Variants in DYNLRB1 observed in about 807,000 individuals in gnomAD.
The protein encoded by DYNLRB1 is ROBL/LC7-like 1.
In DYNLRB1, 6 loss-of-function variants were observed where a neutral mutation model predicts 13.5. That is an observed-to-expected ratio of 0.44 (90% CI 0.24 to 0.88). The LOEUF is 0.88. DYNLRB1 is among the 40% of genes least tolerant of loss of function. The pLI is 0.21. For missense variants in DYNLRB1, 93 were observed against 127.2 expected (o/e 0.73, Z 1.29); for synonymous variants, 43 against 45.0 (o/e 0.96, Z 0.18).
chr20:34,536,574 G>A lies in DYNLRB1; in HGVS notation c.247+1779G>A, dbSNP rs1397386546. 1.6e-5 allele frequency: 11 copies of A among 694,124 alleles called. No homozygotes were observed. In the South Asian group the frequency reaches 3.2e-4, roughly 20 times the overall value. 43.0% of individuals were successfully genotyped at this position (694,124 alleles called of 1,614,324 possible). ...AGCCTGACCAACATGGTGAAACCCCGTCTCTACTAAAAATAAAAAAATTAG... is the reference window on the plus strand; with the variant it reads ...AGCCTGACCAACATGGTGAAACCCCATCTCTACTAAAAATAAAAAAATTAG... On this transcript the variant is annotated intron_variant, in intron 3 of 3. Transcript: ENST00000357156.
At chr20:34,523,868 G>A (rs1979956284) in intron 1 of DYNLRB1, among the ~76,000 whole-genome samples, 1 of 152,196 alleles carries the variant, frequency 6.6e-6, no homozygotes, top group Non-Finnish European at 1.5e-5. Flanking sequence ...ATGAATAGCA[G>A]TCTTAAGAAA....
At chr20:34,536,310 C>T in intron 3 of DYNLRB1, 1 of 985,376 alleles carries the variant, frequency 1.0e-6, no homozygotes, top group Non-Finnish European at 1.2e-6. Flanking sequence ...GGGGACTGTG[C>T]TGTGCTGATG....
At chr20:34,515,877 C>A (rs138638831), upstream of DYNLRB1, among the ~76,000 whole-genome samples, 51 of 151,958 alleles carry the variant, frequency 3.4e-4, no homozygotes, top group African/African-American at 1.2e-3. Context: ...CTTCCGATAC[C>A]GAGAACCAGC....
In DYNLRB1 at chr20:34,534,794, A is replaced by G. The variant is rs1777606876; in HGVS notation, c.246A>G (p.Pro82=). Residue 82 remains proline, a splice_region_variant and synonymous_variant, in exon 3 of 4, where the codon CCA becomes CCG. Coordinates refer to ENST00000357156, the MANE Select transcript of DYNLRB1 (RefSeq NM_014183.4). ...AGAAAAATGAAATTATGGTTGCACC[A>G]GGTAAGGGGTCTTCTACCTCCCCAT... ...RSKKNEIMVA[P]DKDYFLIVIQ... The G allele has an allele frequency of 6.2e-7, 1 of 1,614,076 alleles. No homozygotes were observed. Among genetic ancestry groups the G allele is most frequent in the Non-Finnish European group, 8.5e-7 (1 of 1,180,024 alleles).
At position 34,524,450 on chromosome 20, in the gene DYNLRB1, A is replaced by G. The variant is rs532801093; in HGVS notation, c.4-1818A>G. On this transcript the variant is annotated intron_variant, in intron 1 of 3. Coordinates refer to ENST00000357156, the MANE Select transcript of DYNLRB1 (RefSeq NM_014183.4). ...GTTCTTTCTGCATTCTGCTATTGCA[A>G]ATGTCACTGTACTTTGGTCCATGAT... Among the ~76,000 whole-genome samples, 16 of 152,286 alleles carry G rather than the reference A, an allele frequency of 1.1e-4. No individual in the cohort carries two copies. In the South Asian group the frequency reaches 3.1e-3, roughly 30 times the overall value.
At chr20:34,527,494 G>T (rs1288337258) in intron 2 of DYNLRB1, among the ~76,000 whole-genome samples, 1 of 152,028 alleles carries the variant, frequency 6.6e-6, no homozygotes, top group Non-Finnish European at 1.5e-5. Context: ...TGATTTACCT[G>T]ATTGGGTTCC....
At chr20:34,520,590 G>A (rs970519088) in intron 1 of DYNLRB1, among the ~76,000 whole-genome samples, 1 of 152,076 alleles carries the variant, frequency 6.6e-6, no homozygotes, top group African/African-American at 2.4e-5. Flanking sequence ...GGGATTAACA[G>A]GTGTGCATCA....
At chr20:34,529,549 T>C (rs1408256747) in intron 2 of DYNLRB1, among the ~76,000 whole-genome samples, 1 of 151,872 alleles carries the variant, frequency 6.6e-6, no homozygotes, top group Non-Finnish European at 1.5e-5. Context: ...GCCAACATGG[T>C]GAAACCTTGT....
intron 3 of DYNLRB1, among the ~76,000 whole-genome samples, chr20:34,536,643 G>A (rs963232784): frequency 5.9e-5 from 9 of 151,846 alleles, no homozygotes; most frequent in East Asian, 1.9e-4. Flanking sequence ...TACTTGGGAC[G>A]CTGAGGCAGG....
chr20:34,520,990 A>G (rs145779585), intron 1 of DYNLRB1, among the ~76,000 whole-genome samples: 1 of 152,184 alleles, frequency 6.6e-6, no homozygotes, highest in African/African-American at 2.4e-5. Context: ...GCATTTAAAA[A>G]TAAACCTCAG....
In DYNLRB1 at chr20:34,530,174, A is replaced by T. The variant is rs538082361; in HGVS notation, c.79+3831A>T. 48 of 1,181,234 alleles carry T rather than the reference A, an allele frequency of 4.1e-5. No individual in the cohort carries two copies. In the South Asian group the frequency reaches 1.7e-3, roughly 42 times the overall value. The allele number at this position is 1,181,234 out of a possible 1,614,324, so 73.2% of individuals were successfully genotyped here. ...GAGAGGCCCTCATTCTTGCCTTAAA[A>T]CTGCCCCTAAAGCCAAGCCTTTTCA... On this transcript the variant is annotated intron_variant, in intron 2 of 3. Transcript: ENST00000357156.
At chr20:34,526,392 A>C (rs1301656704) in intron 2 of DYNLRB1, 49 bp downstream of exon 2, 2 of 1,595,698 alleles carry the variant, frequency 1.3e-6, no homozygotes, top group Non-Finnish European at 1.7e-6. Flanking sequence ...GCCCAGAAGC[A>C]GCCATAACAC....
chr20:34,536,095 G>A, intron 3 of DYNLRB1: 1 of 985,428 alleles, frequency 1.0e-6, no homozygotes, highest in Non-Finnish European at 1.2e-6. Context: ...GGTGGGGACA[G>A]AGCAGTTCAG....
intron 3 of DYNLRB1, among the ~76,000 whole-genome samples, chr20:34,535,514 G>A (rs897327770): frequency 3.9e-5 from 6 of 152,184 alleles, no homozygotes; most frequent in Non-Finnish European, 7.3e-5. Flanking sequence ...GCACAGGAGC[G>A]AGCAACAGAG....
At chr20:34,536,577 T>G in intron 3 of DYNLRB1, 2 of 684,364 alleles carry the variant, frequency 2.9e-6, no homozygotes, top group Non-Finnish European at 3.6e-6. Context: ...AAACCCCGTC[T>G]CTACTAAAAA....
intron 3 of DYNLRB1, chr20:34,535,724 T>TGAGTGGGGAG: frequency 1.0e-6 from 1 of 985,234 alleles, no homozygotes; most frequent in Non-Finnish European, 1.2e-6. Context: ...CATCAGGATG[T>TGAGTGGGGAG]GAGTGGGGAG....
intron 1 of DYNLRB1, among the ~76,000 whole-genome samples, chr20:34,520,663 G>T (rs1460533228): frequency 6.6e-6 from 1 of 152,134 alleles, no homozygotes; most frequent in African/African-American, 2.4e-5. Context: ...TGGCCAGGCT[G>T]GTCTCAAACT....
At chr20:34,519,744 A>T (rs913980061) in intron 1 of DYNLRB1, among the ~76,000 whole-genome samples, 6 of 152,070 alleles carry the variant, frequency 3.9e-5, no homozygotes, top group African/African-American at 1.4e-4. Context: ...CACTCATGCT[A>T]GTGGTTATGT....
rs745618737 is a variant in DYNLRB1 at position 34,516,501 on chromosome 20, C to A, written c.3+40C>A. 7 of 1,609,742 alleles carry A rather than the reference C, an allele frequency of 4.3e-6. No individual in the cohort carries two copies. The South Asian group carries it at 7.7e-5, about 18-fold the overall frequency. On this transcript the variant is annotated intron_variant, in intron 1 of 3. Transcript: ENST00000357156. Reference sequence around the variant, plus strand: ...GGGTCTTGTGGCTGGCGGCCGCCCACCACCCCACGCCAGGCCTTCAGTCTT... The same window carrying A: ...GGGTCTTGTGGCTGGCGGCCGCCCAACACCCCACGCCAGGCCTTCAGTCTT...
Sources: gnomAD v4.1 joint callset for allele counts (sites outside exome capture counted in the v4.1 genomes callset) on GRCh38, gnomAD v4.1.1 for gene constraint, MANE v1.5 for transcripts, NCBI Gene and HGNC (gene_info 2026-07-23, HGNC 2026-07-21) for gene names.